NTM: variants seen among roughly 807,000 people sequenced by gnomAD.
NTM encodes IgLON family member 2.
Under a neutral mutation model 42.1 loss-of-function variants are expected in NTM, and 13 were observed. That is an observed-to-expected ratio of 0.31 (90% CI 0.20 to 0.49). NTM has a LOEUF of 0.49. Among genes scored for constraint, NTM ranks in the 20% least tolerant of loss-of-function variants. The pLI is 0.99. For missense variants in NTM, 373 were observed against 452.8 expected (o/e 0.82, Z 1.60); for synonymous variants, 187 against 179.2 (o/e 1.04, Z -0.35).
intron 2 of NTM, among the ~76,000 whole-genome samples, chr11:131,974,912 C>G (rs2064088016): frequency 6.6e-6 from 1 of 152,138 alleles, no homozygotes; most frequent in Admixed American, 6.5e-5. Flanking sequence ...AAGGCTAAAA[C>G]ATATCACAAA....
At chr11:131,542,814 C>A (rs2053456588) in intron 1 of NTM, among the ~76,000 whole-genome samples, 1 of 152,162 alleles carries the variant, frequency 6.6e-6, no homozygotes. Flanking sequence ...AGGAGGTGTG[C>A]AGCCTGGCTC....
intron 4 of NTM, among the ~76,000 whole-genome samples, chr11:132,246,394 G>A (rs1313553908): frequency 2.0e-5 from 3 of 152,212 alleles, no homozygotes; most frequent in African/African-American, 7.2e-5. Context: ...CAGCAATGGT[G>A]ATTTTCCTCC....
chr11:131,534,927 G>A (rs903977261), intron 1 of NTM: 2 of 152,258 alleles, frequency 1.3e-5, no homozygotes, highest in Admixed American at 1.3e-4. Flanking sequence ...ATTTTCAATG[G>A]AAGGAGCCGC....
intron 4 of NTM, among the ~76,000 whole-genome samples, chr11:132,237,938 T>C (rs1260962170): frequency 6.6e-6 from 1 of 152,230 alleles, no homozygotes; most frequent in African/African-American, 2.4e-5. Flanking sequence ...ATATTAGCTC[T>C]GAGCCGTGAC....
chr11:131,719,185 C>T (rs1254758619), intron 1 of NTM, among the ~76,000 whole-genome samples: 1 of 152,182 alleles, frequency 6.6e-6, no homozygotes, highest in African/African-American at 2.4e-5. Context: ...GCTGGGATTA[C>T]AGACGTAAGC....
intron 1 of NTM, among the ~76,000 whole-genome samples, chr11:131,785,910 A>G (rs2136052077): frequency 6.6e-6 from 1 of 152,294 alleles, no homozygotes; most frequent in Admixed American, 6.5e-5. Context: ...TTTACGATTG[A>G]ATTTTCTAAC....
chr11:131,851,231 T>C (rs925752118), intron 1 of NTM, among the ~76,000 whole-genome samples: 1 of 152,086 alleles, frequency 6.6e-6, no homozygotes, highest in Non-Finnish European at 1.5e-5. Context: ...CCAAAATCTT[T>C]GGTATCATAG....
chr11:131,957,499 C>T (rs1002060004), intron 2 of NTM, among the ~76,000 whole-genome samples: 3 of 152,154 alleles, frequency 2.0e-5, no homozygotes, highest in Admixed American at 1.3e-4. Flanking sequence ...TGTTCACTAG[C>T]GCTAAGATCA....
intron 1 of NTM, among the ~76,000 whole-genome samples, chr11:131,419,711 G>A (rs1947310293): frequency 6.6e-6 from 1 of 152,176 alleles, no homozygotes; most frequent in Admixed American, 6.5e-5. Flanking sequence ...TTTATTTTAA[G>A]TGCAATGGCA....
At chr11:132,287,098 G>A (rs2094272702) in intron 4 of NTM, among the ~76,000 whole-genome samples, 1 of 152,204 alleles carries the variant, frequency 6.6e-6, no homozygotes, top group African/African-American at 2.4e-5. Flanking sequence ...GTCGATGGCA[G>A]AGAATGTGCT....
chr11:131,988,486 A>G (rs2066450772), intron 2 of NTM, among the ~76,000 whole-genome samples: 1 of 152,158 alleles, frequency 6.6e-6, no homozygotes, highest in African/African-American at 2.4e-5. Flanking sequence ...GTAAGTTACA[A>G]TGGAGCTATC....
At chr11:131,553,052 C>T (rs1263229790) in intron 1 of NTM, among the ~76,000 whole-genome samples, 1 of 152,098 alleles carries the variant, frequency 6.6e-6, no homozygotes, top group Admixed American at 6.5e-5. Flanking sequence ...CTCTTATGTT[C>T]AGGAATGGAT....
intron 7 of NTM, 77 bp from the exon 8 acceptor site, chr11:132,330,076 T>C: frequency 6.5e-7 from 1 of 1,540,124 alleles, no homozygotes; most frequent in Non-Finnish European, 8.8e-7. Flanking sequence ...AGCTTCTTCC[T>C]GAAATCATCT....
At chr11:131,592,982 A>T (rs1173458837) in intron 1 of NTM, among the ~76,000 whole-genome samples, 1 of 152,144 alleles carries the variant, frequency 6.6e-6, no homozygotes, top group Non-Finnish European at 1.5e-5. Context: ...GACACAGGCT[A>T]TGCTGTCATT....
At chr11:132,330,537 C>A (rs2095783508) in intron 8 of NTM, among the ~76,000 whole-genome samples, 1 of 152,154 alleles carries the variant, frequency 6.6e-6, no homozygotes, top group African/African-American at 2.4e-5. Flanking sequence ...AGACCTTGGC[C>A]CTGCATGCTG....
At chr11:132,213,246 TGGAAG>T (rs1423242314) in intron 4 of NTM, among the ~76,000 whole-genome samples, 1 of 152,118 alleles carries the variant, frequency 6.6e-6, no homozygotes, top group Admixed American at 6.5e-5. Context: ...TCAACTCCCA[TGGAAG>T]GGAAAAGTGG....
At chr11:132,288,035 G>C (rs963685263) in intron 4 of NTM, among the ~76,000 whole-genome samples, 1 of 152,188 alleles carries the variant, frequency 6.6e-6, no homozygotes, top group Admixed American at 6.5e-5. Context: ...TATATGCTTT[G>C]TGAAAAATAA....
intron 4 of NTM, among the ~76,000 whole-genome samples, chr11:132,299,238 T>G (rs1380428494): frequency 1.3e-5 from 2 of 152,150 alleles, no homozygotes; most frequent in African/African-American, 4.8e-5. Flanking sequence ...GAACTTGCAG[T>G]GAGCTGAGAT....
At chr11:131,712,825 C>T (rs2077314131) in intron 1 of NTM, among the ~76,000 whole-genome samples, 1 of 151,966 alleles carries the variant, frequency 6.6e-6, no homozygotes, top group African/African-American at 2.4e-5. Flanking sequence ...TCAAACAATC[C>T]ACCCACCTCA....
Sources: allele counts gnomAD v4.1 joint callset (sites outside exome capture counted in the v4.1 genomes callset), GRCh38; gene constraint gnomAD v4.1.1; transcripts MANE v1.5; gene names NCBI Gene and HGNC (gene_info 2026-07-23, HGNC 2026-07-21).